Variants in ATP6V1G1 observed in about 807,000 individuals in gnomAD.
ATP6V1G1 encodes ATPase H+ transporting V1 subunit G1, also known as V-type proton ATPase subunit G 1.
ATP6V1G1 carries 14 observed loss-of-function variants against 14.2 expected under a neutral mutation model. The observed-to-expected ratio is 0.99, with a 90% CI of 0.65 to 1.55. The LOEUF is 1.55. ATP6V1G1 is among the 40% of genes most tolerant of loss of function. ATP6V1G1 has a pLI of 0.00. For missense variants in ATP6V1G1, 137 were observed against 146.4 expected, an observed-to-expected ratio of 0.94 and a Z score of 0.33; for synonymous variants, 65 against 53.3, an observed-to-expected ratio of 1.22 and a Z score of -0.96.
At chr9:114,594,612 T>C (rs2133559585) in intron 2 of ATP6V1G1, among the ~76,000 whole-genome samples, 1 of 152,140 alleles carries the variant, frequency 6.6e-6, no homozygotes, top group African/African-American at 2.4e-5. Context: ...CTTGAACTCC[T>C]GACCTTGTGA....
Position 114,597,885 on chromosome 9 carries a change from G to A in ATP6V1G1, c.*142G>A, listed in dbSNP as rs1174594677. 1.6e-5 allele frequency: 12 copies of A among 761,552 alleles called. No individual in the cohort carries two copies. Among genetic ancestry groups the A allele is most frequent in the Non-Finnish European group, 2.2e-5 (12 of 556,150 alleles). 47.2% of individuals were successfully genotyped at this position (761,552 alleles called of 1,614,324 possible). A position where few individuals can be genotyped will look rare whatever the true frequency, so the allele number is the denominator to read the frequency against. The stretch of plus-strand genomic sequence containing the variant: ...ATAATAGGTCCTTCCACTTTTTGGA[G>A]AGTAGCAAATCTAGCTTTTTTGTAC... On this transcript the variant is annotated 3_prime_UTR_variant, in exon 3 of 3. Coordinates refer to ENST00000374050, the MANE Select transcript of ATP6V1G1 (RefSeq NM_004888.4).
rs1321179966 is a variant in ATP6V1G1, at chr9:114,598,646, A to G, written c.*903A>G. Among the ~76,000 whole-genome samples, 2 of 152,198 alleles carry G rather than the reference A, an allele frequency of 1.3e-5. No individual in the cohort carries two copies. The highest frequency in any genetic ancestry group is 2.9e-5 in the Non-Finnish European group (2 of 68,034). The stretch of plus-strand genomic sequence containing the variant: ...TTTCTCTAGAGATCCTTGTCCTGGG[A>G]CAGCCTGGGGCAAGTTATTAAGCAT... On this transcript the variant is annotated 3_prime_UTR_variant, in exon 3 of 3. Transcript: ENST00000374050.
intron 2 of ATP6V1G1, among the ~76,000 whole-genome samples, chr9:114,594,370 C>T (rs1156437430): frequency 6.6e-6 from 1 of 150,556 alleles, no homozygotes; most frequent in Non-Finnish European, 1.5e-5. Flanking sequence ...CGCCCAGCGC[C>T]CCCCGCCCCT....
At chr9:114,597,223 C>T (rs1369705597) in intron 2 of ATP6V1G1, among the ~76,000 whole-genome samples, 1 of 151,946 alleles carries the variant, frequency 6.6e-6, no homozygotes, top group African/African-American at 2.4e-5. Context: ...ATCTCCTGAC[C>T]TCGTGATCCG....
At chr9:114,588,977 C>T (rs918365765) in intron 1 of ATP6V1G1, among the ~76,000 whole-genome samples, 1 of 152,184 alleles carries the variant, frequency 6.6e-6, no homozygotes, top group Non-Finnish European at 1.5e-5. Flanking sequence ...TATACTGAAT[C>T]GTTGTGGTCC....
chr9:114,598,055 T>TA lies in ATP6V1G1; in HGVS notation c.*326dup, dbSNP rs34186321. The TA allele has an allele frequency of 0.06, 9,084 of 150,490 alleles. 416 individuals carry two copies. Among genetic ancestry groups the TA allele is most frequent in the East Asian group, 0.24 (1,278 of 5,378 alleles). The allele number at this position is 150,490 out of a possible 1,614,324, so 9.3% of individuals were successfully genotyped here. On this transcript the variant is annotated 3_prime_UTR_variant, in exon 3 of 3. Transcript: ENST00000374050. Reference sequence around the variant, plus strand: ...GACTTTTTCTTTCTTAGATCTAGTTTAAAAAAAAAAAAAACCACATAACAA... The same window carrying TA: ...GACTTTTTCTTTCTTAGATCTAGTTTAAAAAAAAAAAAAAACCACATAACAA...
At chr9:114,596,399 A>AG (rs1309735358) in intron 2 of ATP6V1G1, among the ~76,000 whole-genome samples, 2 of 152,048 alleles carry the variant, frequency 1.3e-5, no homozygotes, top group Non-Finnish European at 2.9e-5. Flanking sequence ...AAAAAAAAAA[A>AG]AAAAAAGTGT....
Position 114,587,780 on chromosome 9 carries a change from C to T in ATP6V1G1, c.-59C>T. 2 of 1,527,682 alleles carry T rather than the reference C, an allele frequency of 1.3e-6. No individual in the cohort carries two copies. Among genetic ancestry groups the T allele is most frequent in the South Asian group, 1.2e-5 (1 of 83,176 alleles). 94.6% of individuals were successfully genotyped at this position (1,527,682 alleles called of 1,614,324 possible). A position where few individuals can be genotyped will look rare whatever the true frequency, so the allele number is the denominator to read the frequency against. The stretch of plus-strand genomic sequence containing the variant: ...GATTGTGGGCGGCTGTGTCAGCTGA[C>T]CCAAGGGGCCTTCGAGGTGCCTTAG... On this transcript the variant is annotated 5_prime_UTR_variant, in exon 1 of 3. Transcript: ENST00000374050.
chr9:114,596,574 C>CTAA (rs1845240859), intron 2 of ATP6V1G1, among the ~76,000 whole-genome samples: 1 of 152,102 alleles, frequency 6.6e-6, no homozygotes, highest in Non-Finnish European at 1.5e-5. Flanking sequence ...AGAACTAAAA[C>CTAA]ACTAACCAAT....
chr9:114,597,753 G>T lies in ATP6V1G1; in HGVS notation c.*10G>T, dbSNP rs772317365. 6.4e-7 allele frequency: 1 copy of T among 1,555,292 alleles called. No homozygotes were observed. The highest frequency in any genetic ancestry group is 1.4e-5 in the African/African-American group (1 of 71,598). ...CCGCATAAATGGATAGAAGAGAGAA[G>T]CACCTGTGCTGTGGAGTGGCATTTT... On this transcript the variant is annotated 3_prime_UTR_variant, in exon 3 of 3. Transcript: ENST00000374050.
At chr9:114,588,427 T>C (rs1200402733) in intron 1 of ATP6V1G1, among the ~76,000 whole-genome samples, 2 of 150,260 alleles carry the variant, frequency 1.3e-5, no homozygotes, top group African/African-American at 4.9e-5. Context: ...TGTAGTTGTC[T>C]AAATCGTTGG....
At chr9:114,593,516 G>A (rs1845204472) in intron 2 of ATP6V1G1, among the ~76,000 whole-genome samples, 1 of 152,026 alleles carries the variant, frequency 6.6e-6, no homozygotes, top group Non-Finnish European at 1.5e-5. Context: ...CTTTTTAAGA[G>A]ACAGAGTCAC....
At chr9:114,592,417 C>A in intron 1 of ATP6V1G1, 135 bp from the exon 2 acceptor site, 1 of 847,200 alleles carries the variant, frequency 1.2e-6, no homozygotes, top group Non-Finnish European at 1.8e-6. Context: ...GCTCTGAATT[C>A]CCTCTTTCCC....
At chr9:114,587,948 G>A (rs1845140461) in intron 1 of ATP6V1G1, 28 bp downstream of exon 1, 1 of 1,554,860 alleles carries the variant, frequency 6.4e-7, no homozygotes, top group Non-Finnish European at 8.7e-7. Flanking sequence ...GCTGCCCGGC[G>A]TGGCGCGAGT....
Position 114,588,147 on chromosome 9 carries a change from T to C in ATP6V1G1, c.82+227T>C. The stretch of plus-strand genomic sequence containing the variant: ...AATTGGGCGTGGAAACAATAATGGG[T>C]TACCGTCCTTGGGGCCTGGAGGCAT... On this transcript the variant is annotated intron_variant, in intron 1 of 2. Transcript: ENST00000374050. 3 of 582,658 alleles carry C rather than the reference T, an allele frequency of 5.1e-6. No homozygotes were observed. The South Asian group carries it at 6.5e-5, about 13-fold the overall frequency. 36.1% of individuals were successfully genotyped at this position (582,658 alleles called of 1,614,324 possible).
At chr9:114,597,180 C>A in intron 2 of ATP6V1G1, among the ~76,000 whole-genome samples, 1 of 151,664 alleles carries the variant, frequency 6.6e-6, no homozygotes, top group Admixed American at 6.6e-5. Flanking sequence ...TTAGTAGAGA[C>A]GGGGTTTCAC....
chr9:114,591,083 C>T (rs548165614), intron 1 of ATP6V1G1, among the ~76,000 whole-genome samples: 21 of 152,316 alleles, frequency 1.4e-4, no homozygotes, highest in African/African-American at 4.6e-4. Flanking sequence ...CGTGAGCCAG[C>T]GCGCCCGGCG....
intron 2 of ATP6V1G1, among the ~76,000 whole-genome samples, 156 bp from the exon 3 acceptor site, chr9:114,597,414 A>G (rs1189520878): frequency 1.3e-5 from 2 of 152,172 alleles, no homozygotes; most frequent in African/African-American, 4.8e-5. Flanking sequence ...AATACCTCAC[A>G]TGTGCTCCAG....
chr9:114,588,510 AGT>A (rs66783144), intron 1 of ATP6V1G1, among the ~76,000 whole-genome samples: 6,872 of 147,036 alleles, frequency 0.047, 165 homozygotes, highest in African/African-American at 0.06. Flanking sequence ...TGGCAAGCGC[AGT>A]GTGTGTGTGT....
Sources: allele counts gnomAD v4.1 joint callset (sites outside exome capture counted in the v4.1 genomes callset), GRCh38; gene constraint gnomAD v4.1.1; transcripts MANE v1.5; gene names NCBI Gene and HGNC (gene_info 2026-07-23, HGNC 2026-07-21).